The following CIITA variants were observed in gnomAD, a reference collection of about 807,000 sequenced individuals.
CIITA encodes class II major histocompatibility complex transactivator, also known as MHC class II transactivator.
Under a neutral mutation model 115.1 loss-of-function variants are expected in CIITA, and 72 were observed. That is an observed-to-expected ratio of 0.63 (90% CI 0.52 to 0.76). CIITA has a LOEUF of 0.76. Among genes scored for constraint, CIITA ranks in the 30% least tolerant of loss-of-function variants. The probability of loss-of-function intolerance (pLI) is 0.00; values close to 1 mark genes in which losing one functional copy is unlikely to be tolerated. For missense variants in CIITA, 1,617 were observed against 1,463.8 expected (o/e 1.10, Z -1.71); for synonymous variants, 763 against 635.6 (o/e 1.20, Z -3.02).
At chr16:10,905,901 TG>T (rs2039113873) in intron 10 of CIITA, among the ~76,000 whole-genome samples, 2 of 150,604 alleles carry the variant, frequency 1.3e-5, no homozygotes, top group Admixed American at 1.3e-4. Context: ...GAAGACTGTA[TG>T]GGGGCCAGAT....
At chr16:10,872,769 T>A (rs1396055589), upstream of CIITA, among the ~76,000 whole-genome samples, 1 of 152,228 alleles carries the variant, frequency 6.6e-6, no homozygotes, top group African/African-American at 2.4e-5. Flanking sequence ...TTCTCCTGAA[T>A]CATTTATTTA....
At position 10,932,285 on chromosome 16, in the gene CIITA, G is replaced by T. The variant is rs1428416507; in HGVS notation, c.*8430G>T. 3 of 152,230 alleles carry T rather than the reference G, an allele frequency of 2.0e-5. No individual in the cohort carries two copies. The highest frequency in any genetic ancestry group is 7.2e-5 in the African/African-American group (3 of 41,446). The allele number at this position is 152,230 out of a possible 1,614,324, so 9.4% of individuals were successfully genotyped here. On this transcript the variant is annotated 3_prime_UTR_variant, in exon 20 of 20. Coordinates refer to ENST00000324288, the MANE Select transcript of CIITA (RefSeq NM_000246.4). Reference sequence around the variant, plus strand: ...CTAAATGAAAATCGTGACAACACTTGTGTTATGAAGCATTTACTTTGTGTT... The same window carrying T: ...CTAAATGAAAATCGTGACAACACTTTTGTTATGAAGCATTTACTTTGTGTT...
At chr16:10,938,391 C>T (rs1053564337), downstream of CIITA, 1 of 151,270 alleles carries the variant, frequency 6.6e-6, no homozygotes, top group Non-Finnish European at 1.5e-5. The surrounding 1 kb of genome is among the most constrained non-coding windows in gnomAD (Gnocchi z 4.9). Flanking sequence ...AAAGAGGGAG[C>T]AAAAGTAGGT....
At position 10,901,735 on chromosome 16, in the gene CIITA, G is replaced by C. The variant is rs1028904614; in HGVS notation, c.481+177G>C. On this transcript the variant is annotated intron_variant, in intron 6 of 19. Transcript: ENST00000324288. This position sits in a 1 kb window ranked among gnomAD's most constrained non-coding sequence, Gnocchi z 6.8. ...AGAGTCCTCTAAGGGGCTCACGACT[G>C]TTTGTGGAAGGTGGTAGGGGCTTGG... The C allele has an allele frequency of 7.1e-6, 5 of 707,210 alleles. No individual in the cohort carries two copies. The highest frequency in any genetic ancestry group is 1.2e-5 in the Non-Finnish European group (5 of 416,938). 43.8% of individuals were successfully genotyped at this position (707,210 alleles called of 1,614,324 possible).
chr16:10,931,322 T>C lies in CIITA; in HGVS notation c.*7467T>C, dbSNP rs1400571658. 2.0e-5 allele frequency: 3 copies of C among 152,604 alleles called. No individual in the cohort carries two copies. Among genetic ancestry groups the C allele is most frequent in the Non-Finnish European group, 2.9e-5 (2 of 68,496 alleles). The allele number at this position is 152,604 out of a possible 1,614,324, so 9.5% of individuals were successfully genotyped here. A position where few individuals can be genotyped will look rare whatever the true frequency, so the allele number is the denominator to read the frequency against. ...ACCCTGTCTCAAAAAAAAGAGAAGA[T>C]GGAATCACTCGGTGAGGACCTCACT... is the stretch of plus-strand genomic sequence containing the variant. On this transcript the variant is annotated 3_prime_UTR_variant, in exon 20 of 20. Coordinates refer to ENST00000324288, the MANE Select transcript of CIITA (RefSeq NM_000246.4).
intron 3 of CIITA, 88 bp from the exon 4 acceptor site, chr16:10,898,582 C>G (rs2038376481): frequency 8.5e-7 from 1 of 1,174,012 alleles, no homozygotes; most frequent in Admixed American, 2.0e-5. Context: ...GTGTGCCAGG[C>G]CCAGAGGTTC....
At chr16:10,894,508 G>A (rs1356727587) in intron 1 of CIITA, among the ~76,000 whole-genome samples, 3 of 152,084 alleles carry the variant, frequency 2.0e-5, no homozygotes, top group Non-Finnish European at 4.4e-5. Flanking sequence ...TATTTATGGG[G>A]TATATGTGAA....
intron 1 of CIITA, among the ~76,000 whole-genome samples, chr16:10,893,137 G>A (rs755587104): frequency 6.6e-6 from 1 of 152,140 alleles, no homozygotes; most frequent in Non-Finnish European, 1.5e-5. Context: ...CCAGCAGCTA[G>A]AGGAGGCAAG....
At chr16:10,904,056 T>C (rs1339000396) in intron 9 of CIITA, among the ~76,000 whole-genome samples, 161 bp downstream of exon 9, 3 of 152,082 alleles carry the variant, frequency 2.0e-5, no homozygotes, top group Non-Finnish European at 2.9e-5. Flanking sequence ...AGTGGAGGCA[T>C]GGTTGTGGGG....
chr16:10,881,889 A>T (rs2036469298), intron 1 of CIITA, among the ~76,000 whole-genome samples: 1 of 151,974 alleles, frequency 6.6e-6, no homozygotes, highest in Non-Finnish European at 1.5e-5. Context: ...GTTTTGGGCT[A>T]CTCTAGACAC....
At chr16:10,919,551 C>G (rs911959327) in intron 16 of CIITA, among the ~76,000 whole-genome samples, 4 of 144,956 alleles carry the variant, frequency 2.8e-5, no homozygotes, top group Non-Finnish European at 6.2e-5. Flanking sequence ...GGGTCTCACC[C>G]AGGTTGTAGT....
rs920524297 is a variant in CIITA, at chr16:10,930,571, G to A, written c.*6716G>A. The A allele has an allele frequency of 6.6e-6, 1 of 152,248 alleles. No homozygotes were observed. Among genetic ancestry groups the A allele is most frequent in the Non-Finnish European group, 1.5e-5 (1 of 68,048 alleles). The allele number at this position is 152,248 out of a possible 1,614,324, so 9.4% of individuals were successfully genotyped here. On this transcript the variant is annotated 3_prime_UTR_variant, in exon 20 of 20. Transcript: ENST00000324288. ...ATAGGATAAGAAATTGAGGTTCAGA[G>A]AAGCCAAGTAACCTGCCTAAAGATG...
At chr16:10,898,595 C>G (rs373873758) in intron 3 of CIITA, 75 bp from the exon 4 acceptor site, 2 of 1,426,362 alleles carry the variant, frequency 1.4e-6, no homozygotes, top group East Asian at 2.4e-5. Context: ...AGAGGTTCCC[C>G]AGCCCAAGGC....
chr16:10,908,598 C>A, intron 11 of CIITA: 1 of 420,968 alleles, frequency 2.4e-6, no homozygotes, highest in South Asian at 2.2e-5. Flanking sequence ...CTGATTGTAT[C>A]CCATCCCTGC....
intron 11 of CIITA, chr16:10,908,668 G>A (rs2039344699): frequency 4.1e-6 from 2 of 491,722 alleles, no homozygotes; most frequent in South Asian, 4.3e-5. Flanking sequence ...CCTTAATTTG[G>A]TTTCATTAAG....
At position 10,871,338 on chromosome 16, in the gene CIITA, C is replaced by A. The variant is rs145340206; in HGVS notation, c.-21+5019C>A. Among the ~76,000 whole-genome samples, 65 of 152,236 alleles carry A rather than the reference C, an allele frequency of 4.3e-4. No individual in the cohort carries two copies. In the East Asian group the frequency reaches 0.012, roughly 28 times the overall value. On this transcript the variant is annotated intron_variant, in intron 1 of 5. Transcript: ENST00000636238. Reference sequence around the variant, plus strand: ...TGTAAGTGGGGGCAACCTCAGCTGGCCTTGGGTTTGACCATGGAATGCGAG... The same window carrying A: ...TGTAAGTGGGGGCAACCTCAGCTGGACTTGGGTTTGACCATGGAATGCGAG...
rs147949428 is a variant in CIITA, at chr16:10,893,728, G to A, written c.53-1554G>A. On this transcript the variant is annotated intron_variant, in intron 1 of 19. Transcript: ENST00000324288. The stretch of plus-strand genomic sequence containing the variant: ...GGAGGCTGAGGCAGAAGAATGGCTT[G>A]AACCTGGGAGGCAGACGTTGCAGTG... Among the ~76,000 whole-genome samples the A allele has an allele frequency of 8.7e-4, 125 of 143,756 alleles. 1 individual carries two copies. Among genetic ancestry groups the A allele is most frequent in the Middle Eastern group, 7.5e-3 (2 of 266 alleles). 94.3% of individuals were successfully genotyped at this position (143,756 alleles called of 152,430 possible). A position where few individuals can be genotyped will look rare whatever the true frequency, so the allele number is the denominator to read the frequency against.
At position 10,877,394 on chromosome 16, in the gene CIITA, G is replaced by T. The variant is rs778179924; in HGVS notation, c.52+12G>T. The T allele has an allele frequency of 6.2e-7, 1 of 1,611,648 alleles. No homozygotes were observed. ...GTCAGAGCCCCAAGGTAAAAAGGCC[G>T]GGAAAGCATCTTAATTTAGCGTGCA... is the stretch of plus-strand genomic sequence containing the variant. On this transcript the variant is annotated intron_variant, in intron 1 of 19. Coordinates refer to ENST00000324288, the MANE Select transcript of CIITA (RefSeq NM_000246.4).
Position 10,901,777 on chromosome 16 carries a change from A to T in CIITA, c.481+219A>T. 1.5e-6 allele frequency: 1 copy of T among 666,486 alleles called. No individual in the cohort carries two copies. Among genetic ancestry groups the T allele is most frequent in the Non-Finnish European group, 2.6e-6 (1 of 387,966 alleles). The allele number at this position is 666,486 out of a possible 1,614,324, so 41.3% of individuals were successfully genotyped here. A position where few individuals can be genotyped will look rare whatever the true frequency, so the allele number is the denominator to read the frequency against. ...GGGGCTTGGAGCTAACAGATTGTTC[A>T]TAGGTTCTATTCTGCCCCAGCTCTC... On this transcript the variant is annotated intron_variant, in intron 6 of 19. Coordinates refer to ENST00000324288, the MANE Select transcript of CIITA (RefSeq NM_000246.4). This position sits in a 1 kb window ranked among gnomAD's most constrained non-coding sequence, Gnocchi z 6.8.
Sources: gnomAD v4.1 joint callset for allele counts (sites outside exome capture counted in the v4.1 genomes callset) on GRCh38, gnomAD v4.1.1 for gene constraint, Gnocchi (gnomAD v3.1) non-coding constraint, MANE v1.5 for transcripts, NCBI Gene and HGNC (gene_info 2026-07-23, HGNC 2026-07-21) for gene names.